The following CECR2 variants were observed in gnomAD, a reference collection of about 807,000 sequenced individuals.
The protein encoded by CECR2 is chromatin remodeling regulator CECR2.
A neutral mutation model predicts 154.5 loss-of-function variants in CECR2; 30 were observed. The ratio of observed to expected loss-of-function variants is 0.19; its 90% confidence interval spans 0.15 to 0.26. The LOEUF is 0.26. Ranked by LOEUF, CECR2 falls within the 10% of genes least tolerant of loss-of-function variation. The pLI is 1.00. For missense variants in CECR2, 1,743 were observed against 1,829.3 expected (o/e 0.95, Z 0.86); for synonymous variants, 725 against 683.7 (o/e 1.06, Z -0.94).
rs570131460 is a variant in CECR2 at position 17,397,159 on chromosome 22, C to T, written c.126+27250C>T. The stretch of plus-strand genomic sequence containing the variant: ...ATTTTATTTATTTATTTTTGTGAGA[C>T]AGATTCTGGCTCTGTCGCCCAGGCT... On this transcript the variant is annotated intron_variant, in intron 1 of 18. Coordinates refer to ENST00000262608, the MANE Select transcript of CECR2 (RefSeq NM_001290047.2). Among the ~76,000 whole-genome samples, 4 of 151,750 alleles carry T rather than the reference C, an allele frequency of 2.6e-5. No individual in the cohort carries two copies. The South Asian group carries it at 8.3e-4, about 32-fold the overall frequency.
intron 1 of CECR2, 33 bp from the exon 2 acceptor site, chr22:17,477,555 T>G: frequency 1.4e-6 from 2 of 1,416,098 alleles, no homozygotes; most frequent in South Asian, 1.1e-5. Context: ...AATCTCTGTT[T>G]GATTTCTCAA....
At chr22:17,532,005 CAGAAAATCTTAAAAATT>C (rs1489521422) in intron 9 of CECR2, among the ~76,000 whole-genome samples, 49 of 152,090 alleles carry the variant, frequency 3.2e-4, no homozygotes, top group African/African-American at 1.2e-3. Context: ...CCCATCTCTA[CAGAAAATCTTAAAAATT>C]AGCCAGACAT....
chr22:17,540,895 T>G, intron 14 of CECR2, 95 bp downstream of exon 14: 2 of 1,285,372 alleles, frequency 1.6e-6, no homozygotes, highest in Non-Finnish European at 1.0e-6. Flanking sequence ...GCAAAATACT[T>G]ACGTGTATGT....
At chr22:17,402,560 C>T (rs1402525259) in intron 1 of CECR2, among the ~76,000 whole-genome samples, 4 of 152,060 alleles carry the variant, frequency 2.6e-5, no homozygotes, top group Non-Finnish European at 5.9e-5. Context: ...TAGATTTGGC[C>T]CTTGGATTGT....
chr22:17,506,283 C>T (rs538459709), intron 7 of CECR2, among the ~76,000 whole-genome samples: 11 of 152,052 alleles, frequency 7.2e-5, no homozygotes, highest in Admixed American at 3.3e-4. Context: ...CATGCCACCA[C>T]GCCTGGCTAA....
intron 9 of CECR2, among the ~76,000 whole-genome samples, chr22:17,531,082 T>C (rs1435015646): frequency 6.6e-6 from 1 of 152,156 alleles, no homozygotes; most frequent in Non-Finnish European, 1.5e-5. Context: ...AAGCCGGCCA[T>C]GACGAAAGAA....
At chr22:17,414,195 A>T (rs1224605222) in intron 1 of CECR2, among the ~76,000 whole-genome samples, 1 of 151,514 alleles carries the variant, frequency 6.6e-6, no homozygotes, top group Non-Finnish European at 1.5e-5. Flanking sequence ...GATGGTCTCG[A>T]TCGCCTGACC....
chr22:17,399,472 C>T (rs926078586), intron 1 of CECR2, among the ~76,000 whole-genome samples: 1 of 147,862 alleles, frequency 6.8e-6, no homozygotes, highest in African/African-American at 2.5e-5. Flanking sequence ...GGCTGGAGTG[C>T]CGTGGCGTGA....
At chr22:17,550,941 CAAAA>C (rs556526060) in intron 17 of CECR2, among the ~76,000 whole-genome samples, 115 of 145,204 alleles carry the variant, frequency 7.9e-4, no homozygotes, top group African/African-American at 2.6e-3. Flanking sequence ...GACTCTGTCT[CAAAA>C]AAAAAAAGTT....
chr22:17,491,879 A>C (rs2055538783), intron 2 of CECR2, among the ~76,000 whole-genome samples: 1 of 152,210 alleles, frequency 6.6e-6, no homozygotes, highest in Non-Finnish European at 1.5e-5. Flanking sequence ...TTCTGCCTTA[A>C]CCATATTTTC....
In CECR2 at chr22:17,556,684, A is replaced by G. The variant is rs1019375713; in HGVS notation, c.*3844A>G. The G allele has an allele frequency of 2.6e-5, 4 of 152,220 alleles. No individual in the cohort carries two copies. The highest frequency in any genetic ancestry group is 9.7e-5 in the African/African-American group (4 of 41,450). 9.4% of individuals were successfully genotyped at this position (152,220 alleles called of 1,614,324 possible). A position where few individuals can be genotyped will look rare whatever the true frequency, so the allele number is the denominator to read the frequency against. ...GGTAAGGACAGTTGAGTAGTGTAAG[A>G]ACCCCAACCTGCTTGCAGAGAACCT... On this transcript the variant is annotated 3_prime_UTR_variant, in exon 19 of 19. Coordinates refer to ENST00000262608, the MANE Select transcript of CECR2 (RefSeq NM_001290047.2).
chr22:17,520,484 A>G (rs890469278), intron 8 of CECR2, among the ~76,000 whole-genome samples: 1 of 152,024 alleles, frequency 6.6e-6, no homozygotes, highest in African/African-American at 2.4e-5. Context: ...GGTTTGTTAC[A>G]TAGGTATACA....
intron 1 of CECR2, among the ~76,000 whole-genome samples, chr22:17,465,097 C>T (rs932548237): frequency 4.0e-5 from 6 of 149,870 alleles, no homozygotes; most frequent in Admixed American, 1.3e-4. Context: ...CCTGGGTTCA[C>T]GCCATTCTCC....
At chr22:17,511,957 A>G in intron 8 of CECR2, 61 bp downstream of exon 8, 5 of 1,242,416 alleles carry the variant, frequency 4.0e-6, no homozygotes, top group Non-Finnish European at 5.7e-6. Flanking sequence ...GATCCTTTTC[A>G]TGTACTTCCA....
At position 17,519,473 on chromosome 22, in the gene CECR2, A is replaced by G. The variant is rs149012718; in HGVS notation, c.955-4645A>G. Among the ~76,000 whole-genome samples the G allele has an allele frequency of 9.7e-3, 1,473 of 151,750 alleles. 10 individuals are homozygous for G. Among genetic ancestry groups the G allele is most frequent in the South Asian group, 0.016 (79 of 4,802 alleles). Reference sequence around the variant, plus strand: ...ACAGGGTTCACCACATTAGCCAGGAAGGTCTTGATCTCCTGACCTCGTGAA... The same window carrying G: ...ACAGGGTTCACCACATTAGCCAGGAGGGTCTTGATCTCCTGACCTCGTGAA... On this transcript the variant is annotated intron_variant, in intron 8 of 18. Coordinates refer to ENST00000262608, the MANE Select transcript of CECR2 (RefSeq NM_001290047.2).
At chr22:17,386,595 T>C (rs982632837) in intron 1 of CECR2, among the ~76,000 whole-genome samples, 1 of 151,984 alleles carries the variant, frequency 6.6e-6, no homozygotes, top group Non-Finnish European at 1.5e-5. Context: ...TGTCAGTTGC[T>C]CAGTATTTTA....
intron 1 of CECR2, among the ~76,000 whole-genome samples, chr22:17,400,683 C>G (rs544700675): frequency 5.7e-4 from 87 of 152,256 alleles, no homozygotes; most frequent in Non-Finnish European, 9.8e-4. Context: ...CTGTAAATAC[C>G]TTGCTGCTTA....
intron 1 of CECR2, among the ~76,000 whole-genome samples, chr22:17,440,731 A>G (rs759856777): frequency 6.6e-6 from 1 of 152,190 alleles, no homozygotes; most frequent in Non-Finnish European, 1.5e-5. Flanking sequence ...CAGATTTATT[A>G]GAAACAGAAA....
intron 9 of CECR2, among the ~76,000 whole-genome samples, chr22:17,534,968 G>A (rs2147001579): frequency 6.7e-6 from 1 of 150,062 alleles, no homozygotes; most frequent in African/African-American, 2.4e-5. Flanking sequence ...GGCTAACACA[G>A]TGAAACCCCG....
Sources: allele counts gnomAD v4.1 joint callset (sites outside exome capture counted in the v4.1 genomes callset), GRCh38; gene constraint gnomAD v4.1.1; transcripts MANE v1.5; gene names NCBI Gene and HGNC (gene_info 2026-07-23, HGNC 2026-07-21).